GPD1L: variants seen among roughly 807,000 people sequenced by gnomAD.
The protein encoded by GPD1L is glycerol-3-phosphate dehydrogenase 1 like.
In GPD1L, 17 loss-of-function variants were observed where a neutral mutation model predicts 32.9. That is an observed-to-expected ratio of 0.52 (90% CI 0.35 to 0.78). The LOEUF (loss-of-function observed/expected upper bound fraction) is 0.78, where lower values mean the gene tolerates loss of function less well. Ranked by LOEUF, GPD1L falls within the 30% of genes least tolerant of loss-of-function variation. The pLI is 0.01. For synonymous variants in GPD1L, 187 were observed against 165.9 expected, an observed-to-expected ratio of 1.13 and a Z score of -0.98; for missense variants, 361 against 447.8, an observed-to-expected ratio of 0.81 and a Z score of 1.75.
intron 1 of GPD1L, among the ~76,000 whole-genome samples, chr3:32,126,679 A>G (rs1001058515): frequency 6.6e-6 from 1 of 152,246 alleles, no homozygotes. Context: ...AGAATTTCAC[A>G]GGTACAGCTG....
chr3:32,132,582 A>T (rs917849022), intron 2 of GPD1L, among the ~76,000 whole-genome samples: 1 of 152,152 alleles, frequency 6.6e-6, no homozygotes, highest in African/African-American at 2.4e-5. Flanking sequence ...CTTTGATTTC[A>T]TTAGAGGAGT....
intron 5 of GPD1L, among the ~76,000 whole-genome samples, chr3:32,153,670 G>A (rs1232112432): frequency 5.3e-5 from 8 of 152,214 alleles, no homozygotes; most frequent in Non-Finnish European, 1.2e-4. Flanking sequence ...GGAGGAGTCG[G>A]ATGGATTGTT....
At chr3:32,147,002 G>GTTC (rs1700840035) in intron 5 of GPD1L, among the ~76,000 whole-genome samples, 2 of 152,196 alleles carry the variant, frequency 1.3e-5, no homozygotes, top group African/African-American at 4.8e-5. Context: ...TATTTGGAAA[G>GTTC]CATGGGAGTT....
At chr3:32,123,723 T>G (rs918914180) in intron 1 of GPD1L, among the ~76,000 whole-genome samples, 8 of 151,702 alleles carry the variant, frequency 5.3e-5, no homozygotes, top group African/African-American at 1.9e-4. Context: ...GATAGATAGA[T>G]AGATATGCAG....
At chr3:32,144,700 T>C (rs965849658) in intron 4 of GPD1L, among the ~76,000 whole-genome samples, 16 of 151,756 alleles carry the variant, frequency 1.1e-4, no homozygotes, top group African/African-American at 3.6e-4. Flanking sequence ...TTGTTGTTGT[T>C]TTTGAGATGG....
At chr3:32,118,674 G>T (rs764881194) in intron 1 of GPD1L, among the ~76,000 whole-genome samples, 1 of 151,884 alleles carries the variant, frequency 6.6e-6, no homozygotes, top group African/African-American at 2.4e-5. Flanking sequence ...CACATTGTTC[G>T]TATTGAAAAC....
intron 1 of GPD1L, among the ~76,000 whole-genome samples, chr3:32,124,345 G>A (rs946797701): frequency 7.2e-5 from 11 of 152,180 alleles, no homozygotes; most frequent in African/African-American, 2.4e-4. Context: ...GATTACAGGC[G>A]TGAGCCACCA....
rs1158767442 is a variant in GPD1L at position 32,158,997 on chromosome 3, G to A, written c.740G>A (p.Gly247Asp). 3.1e-6 allele frequency: 5 copies of A among 1,614,118 alleles called. No individual in the cohort carries two copies. Among genetic ancestry groups the A allele is most frequent in the Middle Eastern group, 1.6e-4 (1 of 6,062 alleles). Residue 247 changes from glycine (G) to aspartate (D), a missense_variant, in exon 6 of 8, where the codon GGC (glycine) becomes GAC (aspartate). Gly to Asp is a moderately conservative substitution (Grantham distance 94). Coordinates refer to ENST00000282541, the MANE Select transcript of GPD1L (RefSeq NM_015141.4). Reference protein sequence around the residue: ...MIAFARIFCKGQVSTATFLES... With the variant: ...MIAFARIFCKDQVSTATFLES... ...GCTTTTGCCAGGATCTTCTGCAAAG[G>A]CCAAGTGTCTACAGCCACCTTCCTA...
chr3:32,145,001 CTTATGACTGGT>C (rs1700799467), intron 4 of GPD1L, among the ~76,000 whole-genome samples: 1 of 150,796 alleles, frequency 6.6e-6, no homozygotes, highest in African/African-American at 2.4e-5. Context: ...ACCGCGCTGG[CTTATGACTGGT>C]ATTATATTAA....
chr3:32,133,944 G>A (rs1476814397), intron 2 of GPD1L, among the ~76,000 whole-genome samples: 1 of 152,192 alleles, frequency 6.6e-6, no homozygotes, highest in Non-Finnish European at 1.5e-5. Flanking sequence ...TAAGAGCACT[G>A]GGCTCCTGAA....
chr3:32,148,413 A>G (rs1277833000), intron 5 of GPD1L, among the ~76,000 whole-genome samples: 1 of 152,212 alleles, frequency 6.6e-6, no homozygotes, highest in African/African-American at 2.4e-5. Context: ...AAAGGGATTC[A>G]TGGGGGATGC....
intron 5 of GPD1L, among the ~76,000 whole-genome samples, chr3:32,155,079 C>T (rs1226354178): frequency 6.6e-6 from 1 of 152,184 alleles, no homozygotes; most frequent in East Asian, 1.9e-4. Flanking sequence ...GCCAGGGAGG[C>T]ACTCTCCTTT....
chr3:32,159,232 C>G (rs1407926693), intron 6 of GPD1L, 123 bp downstream of exon 6: 2 of 757,136 alleles, frequency 2.6e-6, no homozygotes, highest in Non-Finnish European at 4.5e-6. Context: ...TTCCGTTTGC[C>G]TGGCTGCTTT....
intron 1 of GPD1L, among the ~76,000 whole-genome samples, chr3:32,113,433 G>A (rs1431805746): frequency 1.3e-5 from 2 of 152,172 alleles, no homozygotes; most frequent in Non-Finnish European, 2.9e-5. Flanking sequence ...GGCAGGCCAA[G>A]TAGCATCCCC....
chr3:32,124,317 G>A (rs1165906995), intron 1 of GPD1L, among the ~76,000 whole-genome samples: 11 of 152,034 alleles, frequency 7.2e-5, no homozygotes, highest in African/African-American at 1.9e-4. Context: ...CACCCGCCTC[G>A]GCCTCCCAAA....
At chr3:32,107,728 G>C (rs538014850) in intron 1 of GPD1L, among the ~76,000 whole-genome samples, 1 of 152,318 alleles carries the variant, frequency 6.6e-6, no homozygotes, top group South Asian at 2.1e-4. Flanking sequence ...ACTCTTTCAA[G>C]ACTTGGCCCA....
At chr3:32,145,297 C>T (rs1449923878) in intron 4 of GPD1L, among the ~76,000 whole-genome samples, 2 of 151,884 alleles carry the variant, frequency 1.3e-5, no homozygotes, top group Non-Finnish European at 2.9e-5. Flanking sequence ...CTAGCCTGGG[C>T]AACACAGCAA....
chr3:32,153,600 G>A (rs1164164038), intron 5 of GPD1L, among the ~76,000 whole-genome samples: 5 of 152,214 alleles, frequency 3.3e-5, no homozygotes, highest in Admixed American at 6.5e-5. Flanking sequence ...ACAATATGTG[G>A]CACCTTGCCT....
At chr3:32,159,464 C>G in intron 6 of GPD1L, 104 bp from the exon 7 acceptor site, 1 of 746,026 alleles carries the variant, frequency 1.3e-6, no homozygotes, top group East Asian at 2.8e-5. Flanking sequence ...GACCCATTCT[C>G]TAAAAAAAAA....
Sources: allele counts gnomAD v4.1 joint callset (sites outside exome capture counted in the v4.1 genomes callset), GRCh38; gene constraint gnomAD v4.1.1; transcripts MANE v1.5; gene names NCBI Gene and HGNC (gene_info 2026-07-23, HGNC 2026-07-21).